The following MAP3K14 variants were observed in gnomAD, a reference collection of about 807,000 sequenced individuals.
MAP3K14 encodes the protein NF-kappa-beta-inducing kinase.
Under a neutral mutation model 99.2 loss-of-function variants are expected in MAP3K14, and 16 were observed. The ratio of observed to expected loss-of-function variants is 0.16; its 90% CI spans 0.11 to 0.24. The LOEUF (loss-of-function observed/expected upper bound fraction) is 0.24, where lower values mean the gene tolerates loss of function less well. MAP3K14 is among the 10% of genes least tolerant of loss of function. The pLI is 1.00. For synonymous variants in MAP3K14, 462 were observed against 492.4 expected, an observed-to-expected ratio of 0.94 and a Z score of 0.82; for missense variants, 784 against 1,208.7, an observed-to-expected ratio of 0.65 and a Z score of 5.21.
intron 6 of MAP3K14, among the ~76,000 whole-genome samples, chr17:45,275,752 TTTC>T (rs144127910): frequency 0.095 from 13,943 of 146,466 alleles, 843 homozygotes; most frequent in Admixed American, 0.14. Context: ...TTTTTTTTCT[TTTC>T]TTTTCTTTTT....
At chr17:45,273,964 G>A in intron 8 of MAP3K14, 159 bp downstream of exon 8, 1 of 874,026 alleles carries the variant, frequency 1.1e-6, no homozygotes, top group Non-Finnish European at 1.7e-6. Flanking sequence ...TAAGGGGTTG[G>A]AGAACATCAT....
At chr17:45,304,365 C>T (rs1253097659) in intron 1 of MAP3K14, among the ~76,000 whole-genome samples, 1 of 152,180 alleles carries the variant, frequency 6.6e-6, no homozygotes, top group Non-Finnish European at 1.5e-5. Context: ...ATCATTTTCC[C>T]ACCTGGAAAC....
Position 45,286,836 on chromosome 17 carries a change from G to A in MAP3K14, c.747C>T (p.Gly249=). Residue 249 remains glycine, a synonymous_variant, in exon 5 of 16, where the codon GGC becomes GGT. Transcript: ENST00000344686. The surrounding 1 kb of genome is among the most constrained non-coding windows in gnomAD (Gnocchi z 4.1). The part of the protein sequence containing the change: ...VWKLHHPQDG[G]PLPLPTHPFP... ...AGGGGTGCGTGGGCAGGGGCAGGGG[G>A]CCTCCGTCCTGGGGGTGGTGCAGTT... 1 of 1,613,792 alleles carries A rather than the reference G, an allele frequency of 6.2e-7. No individual in the cohort carries two copies.
intron 1 of MAP3K14, among the ~76,000 whole-genome samples, chr17:45,293,566 G>A (rs1395949874): frequency 1.3e-5 from 2 of 152,206 alleles, no homozygotes; most frequent in Non-Finnish European, 2.9e-5. Context: ...CAGTAACAAG[G>A]AGGCTGTTGA....
chr17:45,273,092 T>A (rs906789083), intron 9 of MAP3K14, among the ~76,000 whole-genome samples: 3 of 152,250 alleles, frequency 2.0e-5, no homozygotes, highest in Admixed American at 2.0e-4. Flanking sequence ...GATATTTCAC[T>A]GACTTTAGAG....
chr17:45,304,235 C>G (rs1256762114), intron 1 of MAP3K14, among the ~76,000 whole-genome samples: 1 of 151,914 alleles, frequency 6.6e-6, no homozygotes, highest in African/African-American at 2.4e-5. Flanking sequence ...AACTCCTGAC[C>G]TCAAACAATC....
intron 1 of MAP3K14, among the ~76,000 whole-genome samples, chr17:45,296,816 T>C (rs2044349555): frequency 6.6e-6 from 1 of 152,202 alleles, no homozygotes; most frequent in African/African-American, 2.4e-5. Context: ...CTTCCTCCCT[T>C]ATCAATGTCT....
intron 6 of MAP3K14, among the ~76,000 whole-genome samples, chr17:45,283,918 T>C (rs911804028): frequency 1.3e-5 from 2 of 152,014 alleles, no homozygotes; most frequent in African/African-American, 4.8e-5. Flanking sequence ...ATCAAGATGA[T>C]CTGAGAGTTG....
intron 14 of MAP3K14, among the ~76,000 whole-genome samples, 169 bp from the exon 15 acceptor site, chr17:45,265,432 G>A (rs1027118682): frequency 6.6e-6 from 1 of 152,196 alleles, no homozygotes; most frequent in Non-Finnish European, 1.5e-5. Context: ...GCTGGTCTAA[G>A]CACAGCTGCA....
intron 6 of MAP3K14, among the ~76,000 whole-genome samples, chr17:45,278,403 C>T (rs955929159): frequency 5.3e-5 from 8 of 152,200 alleles, no homozygotes; most frequent in Non-Finnish European, 1.2e-4. Context: ...GGCTGGACTG[C>T]GATGAGGATA....
intron 1 of MAP3K14, among the ~76,000 whole-genome samples, chr17:45,307,485 T>C (rs866333920): frequency 2.6e-4 from 39 of 152,228 alleles, no homozygotes; most frequent in Admixed American, 8.5e-4. Flanking sequence ...AAAACGTACT[T>C]TGTGATCTTG....
intron 14 of MAP3K14, 49 bp from the exon 15 acceptor site, chr17:45,265,312 A>C: frequency 7.8e-7 from 1 of 1,288,324 alleles, no homozygotes; most frequent in Non-Finnish European, 1.1e-6. Flanking sequence ...CTGGCTCCCC[A>C]AGGACCAGGG....
chr17:45,304,888 A>G (rs1171494041), intron 1 of MAP3K14, among the ~76,000 whole-genome samples: 3 of 152,102 alleles, frequency 2.0e-5, no homozygotes, highest in Admixed American at 2.0e-4. Flanking sequence ...CTTATCTGTA[A>G]TATAGGGATC....
At chr17:45,301,524 T>C (rs1368847006) in intron 1 of MAP3K14, among the ~76,000 whole-genome samples, 1 of 152,094 alleles carries the variant, frequency 6.6e-6, no homozygotes, top group East Asian at 1.9e-4. Context: ...CAAAAAAGTC[T>C]AATTACAGGG....
chr17:45,300,700 G>A (rs972059310), intron 1 of MAP3K14, among the ~76,000 whole-genome samples: 1 of 151,960 alleles, frequency 6.6e-6, no homozygotes, highest in African/African-American at 2.4e-5. Context: ...TCCTCCTCCT[G>A]GTCCTGACAC....
In MAP3K14 at chr17:45,268,785, G is replaced by A. The variant is rs11574832; in HGVS notation, c.1973-1026C>T. Among the ~76,000 whole-genome samples, 854 of 152,168 alleles carry A rather than the reference G, an allele frequency of 5.6e-3. 2 individuals carry two copies. Among genetic ancestry groups the A allele is most frequent in the Non-Finnish European group, 7.7e-3 (524 of 68,014 alleles). The stretch of plus-strand genomic sequence containing the variant: ...TCCCACAAAGGAAGCTGTAGTGCGC[G>A]TCCTCAGGCGTGTCCCCATATGGAT... On this transcript the variant is annotated intron_variant, in intron 11 of 15. Transcript: ENST00000344686.
At chr17:45,289,424 C>A (rs1032060992) in intron 2 of MAP3K14, 119 bp from the exon 3 acceptor site, 6 of 753,898 alleles carry the variant, frequency 8.0e-6, no homozygotes, top group African/African-American at 5.2e-5. Context: ...TTCCAGACAA[C>A]CCCTGTCTGG....
chr17:45,315,399 T>C (rs1440446839), intron 1 of MAP3K14, among the ~76,000 whole-genome samples: 2 of 152,198 alleles, frequency 1.3e-5, no homozygotes, highest in Non-Finnish European at 2.9e-5. Context: ...ACCTGGGTAC[T>C]TATCTCTAAA....
Position 45,272,748 on chromosome 17 carries a change from T to TGGCCA in MAP3K14, c.1657+750_1657+754dup, listed in dbSNP as rs1390418870. On this transcript the variant is annotated intron_variant, in intron 9 of 15. Transcript: ENST00000344686. The surrounding 1 kb of genome is among the most constrained non-coding windows in gnomAD (Gnocchi z 4.1). Reference sequence around the variant, plus strand: ...TAAGGTCTGGAGTTTGAGACTGGCCTGGCCAATATGGCAAAACCCCGTCCC... The same window carrying TGGCCA: ...TAAGGTCTGGAGTTTGAGACTGGCCTGGCCAGGCCAATATGGCAAAACCCCGTCCC... Among the ~76,000 whole-genome samples, 3 of 152,216 alleles carry TGGCCA rather than the reference T, an allele frequency of 2.0e-5. No homozygotes were observed. Among genetic ancestry groups the TGGCCA allele is most frequent in the Admixed American group, 2.0e-4 (3 of 15,284 alleles).
Sources: allele counts gnomAD v4.1 joint callset (sites outside exome capture counted in the v4.1 genomes callset), GRCh38; gene constraint gnomAD v4.1.1; non-coding constraint Gnocchi (gnomAD v3.1); transcripts MANE v1.5; gene names NCBI Gene and HGNC (gene_info 2026-07-23, HGNC 2026-07-21).